TRIM29: variants seen among roughly 807,000 people sequenced by gnomAD.
TRIM29 encodes tripartite motif-containing protein 29.
Under a neutral mutation model 57.3 loss-of-function variants are expected in TRIM29, and 52 were observed. The observed-to-expected ratio is 0.91, with a 90% CI of 0.73 to 1.14. The LOEUF (loss-of-function observed/expected upper bound fraction) is 1.14. TRIM29 is among the 50% of genes most tolerant of loss of function. TRIM29 has a pLI of 0.00. For missense variants in TRIM29, 753 were observed against 774.6 expected (o/e 0.97, Z 0.33); for synonymous variants, 319 against 316.9 (o/e 1.01, Z -0.07).
intron 8 of TRIM29, 127 bp downstream of exon 8, chr11:120,115,211 C>T: frequency 2.2e-6 from 2 of 911,518 alleles, no homozygotes; most frequent in African/African-American, 1.6e-5. Flanking sequence ...CTGCTGCCTC[C>T]TTCTCCTCCA....
In TRIM29 at chr11:120,137,687, C is replaced by G. The variant is rs201439224; in HGVS notation, c.345G>C (p.Lys115Asn). The G allele has an allele frequency of 6.2e-7, 1 of 1,613,576 alleles. No individual in the cohort carries two copies. Among genetic ancestry groups the G allele is most frequent in the East Asian group, 2.2e-5 (1 of 44,842 alleles). Reference sequence around the variant, plus strand: ...TTTCGGCAAAGGTAACGGGTGGCTTCTTGGCAGCCCCCAGCTGGAGCCCTG... The same window carrying G: ...TTTCGGCAAAGGTAACGGGTGGCTTGTTGGCAGCCCCCAGCTGGAGCCCTG... ...PYAGLQLGAAKKPPVTFAEKG... is the reference protein window; with the variant it reads ...PYAGLQLGAANKPPVTFAEKG... Residue 115 changes from lysine (K) to asparagine (N), a missense_variant, in exon 1 of 9, where the codon AAG becomes AAC. Coordinates refer to ENST00000341846, the MANE Select transcript of TRIM29 (RefSeq NM_012101.4). The surrounding 1 kb of genome is among the most constrained non-coding windows in gnomAD (Gnocchi z 6.2).
At chr11:120,127,633 G>T in intron 2 of TRIM29, 64 bp from the exon 3 acceptor site, 2 of 1,443,480 alleles carry the variant, frequency 1.4e-6, no homozygotes, top group South Asian at 1.3e-5. Flanking sequence ...AATCACCCTA[G>T]TCGGGTATGT....
In TRIM29 at chr11:120,137,649, C is replaced by G. The variant is rs748685851; in HGVS notation, c.383G>C (p.Arg128Pro). 2.5e-6 allele frequency: 4 copies of G among 1,613,672 alleles called. No individual in the cohort carries two copies. Among genetic ancestry groups the G allele is most frequent in the South Asian group, 1.1e-5 (1 of 91,060 alleles). The change falls in exon 1 of 9, where the codon CGC becomes CCC. Residue 128 changes from arginine (R) to proline (P), a missense_variant. Coordinates refer to ENST00000341846, the MANE Select transcript of TRIM29 (RefSeq NM_012101.4). The surrounding 1 kb of genome is among the most constrained non-coding windows in gnomAD (Gnocchi z 6.2). Reference protein sequence around the residue: ...PVTFAEKGELRKSIFSESRKP... With the variant: ...PVTFAEKGELPKSIFSESRKP... ...CCGGGACTCCGAGAAAATGGACTTG[C>G]GCAGCTCGCCCTTTTCGGCAAAGGT...
intron 5 of TRIM29, chr11:120,122,120 T>TTGTGTGTG (rs1407082874): frequency 1.2e-5 from 4 of 321,622 alleles, no homozygotes; most frequent in African/African-American, 6.0e-5. Context: ...GCCTCTCCCA[T>TTGTGTGTG]TGTGTGTGTG....
At position 120,137,803 on chromosome 11, in the gene TRIM29, G is replaced by A. The variant is rs1273863461; in HGVS notation, c.229C>T (p.Arg77Ter). The stretch of plus-strand genomic sequence containing the variant: ...GACTCGACAAACTGGATGATGGGTC[G>A]CCGCCACTCATTGCCCGCGAACAGG... ...SALFAGNEWR[R>*]PIIQFVESGD... The change falls in exon 1 of 9, where the codon CGA becomes TGA. Residue 77 changes from arginine (R) to a stop codon, truncating the protein, a stop_gained. Coordinates refer to ENST00000341846, the MANE Select transcript of TRIM29 (RefSeq NM_012101.4). LOFTEE classifies it high-confidence loss of function. The surrounding 1 kb of genome is among the most constrained non-coding windows in gnomAD (Gnocchi z 6.2). 1.2e-6 allele frequency: 2 copies of A among 1,612,184 alleles called. No homozygotes were observed. The highest frequency in any genetic ancestry group is 1.7e-6 in the Non-Finnish European group (2 of 1,180,016).
At chr11:120,136,439 C>T (rs1240086543) in intron 1 of TRIM29, among the ~76,000 whole-genome samples, 1 of 152,206 alleles carries the variant, frequency 6.6e-6, no homozygotes, top group Admixed American at 6.5e-5. Context: ...GTAAATCAAA[C>T]CATCCTAAGT....
intron 5 of TRIM29, chr11:120,121,937 A>G (rs1317961850): frequency 2.2e-6 from 1 of 447,008 alleles, no homozygotes; most frequent in Non-Finnish European, 4.5e-6. Flanking sequence ...AACTTGCCCA[A>G]AGGCACAGCA....
At chr11:120,130,713 A>G (rs1863704306) in intron 1 of TRIM29, among the ~76,000 whole-genome samples, 1 of 152,216 alleles carries the variant, frequency 6.6e-6, no homozygotes, top group Non-Finnish European at 1.5e-5. Flanking sequence ...AATGGTTCCC[A>G]TCATCACTAT....
At chr11:120,136,879 C>A (rs1170235445) in intron 1 of TRIM29, among the ~76,000 whole-genome samples, 4 of 152,156 alleles carry the variant, frequency 2.6e-5, no homozygotes, top group African/African-American at 7.2e-5. Flanking sequence ...CTCAGCCAGG[C>A]ACAGAGCCCA....
intron 2 of TRIM29, 37 bp downstream of exon 2, chr11:120,128,363 G>A (rs758120970): frequency 1.3e-6 from 2 of 1,598,080 alleles, no homozygotes; most frequent in South Asian, 2.2e-5. Flanking sequence ...GCCAGGTCGG[G>A]TAAGGGAGCA....
At chr11:120,128,859 G>A in intron 1 of TRIM29, 1 of 1,491,068 alleles carries the variant, frequency 6.7e-7, no homozygotes, top group Non-Finnish European at 8.9e-7. Context: ...ACAATGGGAA[G>A]AGAAAGGAAG....
intron 2 of TRIM29, 109 bp downstream of exon 2, chr11:120,128,291 T>C (rs531286991): frequency 7.0e-5 from 59 of 847,594 alleles, no homozygotes; most frequent in East Asian, 5.4e-4. Context: ...AAGAAACATA[T>C]TGGGATGTCT....
chr11:120,120,437 C>A, intron 6 of TRIM29, 136 bp downstream of exon 6: 1 of 780,326 alleles, frequency 1.3e-6, no homozygotes, highest in Non-Finnish European at 2.1e-6. Context: ...TGCCTGGACC[C>A]TCCACCCATC....
In TRIM29 at chr11:120,125,684, G is replaced by A; in HGVS notation, c.1333+7C>T. On this transcript the variant is annotated splice_region_variant and intron_variant, in intron 4 of 8. Transcript: ENST00000341846. ...GCCTTGGGGCCCAGCCACGAGAGGG[G>A]ACCTACCGTTCTCCATGTGGTTCCT... 1.9e-6 allele frequency: 3 copies of A among 1,614,028 alleles called. No homozygotes were observed. Among genetic ancestry groups the A allele is most frequent in the Non-Finnish European group, 2.5e-6 (3 of 1,179,994 alleles).
intron 7 of TRIM29, 45 bp from the exon 8 acceptor site, chr11:120,115,459 T>C (rs503559): frequency 0.54 from 849,603 of 1,569,048 alleles, 233,550 homozygotes; most frequent in African/African-American, 0.77. Context: ...GCGCTGGTGG[T>C]CAGGGGTGCC....
intron 1 of TRIM29, among the ~76,000 whole-genome samples, chr11:120,133,455 C>T (rs1057172174): frequency 1.7e-4 from 26 of 152,240 alleles, no homozygotes; most frequent in African/African-American, 5.5e-4. Context: ...TCCTGCCTGC[C>T]TGTCACTTTG....
chr11:120,125,458 T>C (rs1280898386), intron 4 of TRIM29: 1 of 539,368 alleles, frequency 1.9e-6, no homozygotes, highest in African/African-American at 1.9e-5. Flanking sequence ...GTGCCCAGGA[T>C]GTCCCTGCTC....
chr11:120,137,742 T>A lies in TRIM29; in HGVS notation c.290A>T (p.Asp97Val), dbSNP rs1436158936. The change falls in exon 1 of 9, where the codon GAC (aspartate) becomes GTC (valine). Residue 97 changes from aspartate to valine, a missense_variant. Asp to Val is a radical substitution (Grantham distance 152). Transcript: ENST00000341846. The surrounding 1 kb of genome is among the most constrained non-coding windows in gnomAD (Gnocchi z 6.2). ...CGGCGACCTCTTGCCTTCCATAGAG[T>A]CCATGCTGAAGTAGTTGGAGTTCTT... The part of the protein sequence containing the change: ...DDKNSNYFSM[D>V]SMEGKRSPYA... 1 of 1,612,050 alleles carries A rather than the reference T, an allele frequency of 6.2e-7. No individual in the cohort carries two copies. The highest frequency in any genetic ancestry group is 1.7e-5 in the Admixed American group (1 of 59,980).
At chr11:120,115,727 T>TCACC (rs1218372426) in intron 7 of TRIM29, 2 of 317,178 alleles carry the variant, frequency 6.3e-6, no homozygotes, top group African/African-American at 4.4e-5. Context: ...GGATTTCCAC[T>TCACC]CACCCACCCC....
Sources: allele counts gnomAD v4.1 joint callset (sites outside exome capture counted in the v4.1 genomes callset), GRCh38; gene constraint gnomAD v4.1.1; non-coding constraint Gnocchi (gnomAD v3.1); transcripts MANE v1.5; gene names NCBI Gene and HGNC (gene_info 2026-07-23, HGNC 2026-07-21).